Variants in ELMO1 observed in about 807,000 individuals in gnomAD.
The protein encoded by ELMO1 is engulfment and cell motility 1, also known as engulfment and cell motility protein 1.
ELMO1 carries 26 observed loss-of-function variants against 98.9 expected under a neutral mutation model. The observed-to-expected ratio is 0.26, with a 90% CI of 0.19 to 0.36. The LOEUF (loss-of-function observed/expected upper bound fraction) is 0.36. ELMO1 is among the 10% of genes least tolerant of loss of function. The pLI is 1.00. For synonymous variants in ELMO1, 346 were observed against 346.0 expected, an observed-to-expected ratio of 1.00 and a Z score of 0.00; for missense variants, 627 against 935.2, an observed-to-expected ratio of 0.67 and a Z score of 4.30.
chr7:37,034,103 G>C (rs1042399409), intron 15 of ELMO1, among the ~76,000 whole-genome samples: 5 of 152,188 alleles, frequency 3.3e-5, no homozygotes, highest in African/African-American at 4.8e-5. Flanking sequence ...AATAACATGA[G>C]TTAAATTGTG....
chr7:36,905,952 G>C (rs955909325), intron 16 of ELMO1, among the ~76,000 whole-genome samples: 1 of 152,232 alleles, frequency 6.6e-6, no homozygotes, highest in Non-Finnish European at 1.5e-5. Context: ...CTGCCAGCCT[G>C]TTTTGCATAA....
chr7:37,235,661 C>T (rs1371896482), intron 7 of ELMO1, among the ~76,000 whole-genome samples: 1 of 152,150 alleles, frequency 6.6e-6, no homozygotes, highest in Non-Finnish European at 1.5e-5. Flanking sequence ...AGCCTAGTGC[C>T]GTGGTTCATG....
chr7:37,225,793 G>T (rs546024575), intron 8 of ELMO1, among the ~76,000 whole-genome samples: 1 of 152,078 alleles, frequency 6.6e-6, no homozygotes, highest in Non-Finnish European at 1.5e-5. Context: ...ATAATGGATC[G>T]CAGTAATCCA....
intron 7 of ELMO1, among the ~76,000 whole-genome samples, chr7:37,236,181 C>T (rs959200159): frequency 2.0e-5 from 3 of 152,188 alleles, no homozygotes; most frequent in Non-Finnish European, 4.4e-5. Context: ...CAAAACTACA[C>T]TCCAGAGCTC....
At chr7:37,053,356 A>G (rs1391339151) in intron 15 of ELMO1, among the ~76,000 whole-genome samples, 1 of 151,640 alleles carries the variant, frequency 6.6e-6, no homozygotes, top group African/African-American at 2.4e-5. Context: ...ACAAAAGACT[A>G]TTGTCTGGTT....
intron 15 of ELMO1, among the ~76,000 whole-genome samples, chr7:37,028,709 A>C (rs1364706907): frequency 6.6e-6 from 1 of 152,152 alleles, no homozygotes; most frequent in Non-Finnish European, 1.5e-5. Flanking sequence ...CAGCCTCCCA[A>C]GTACCTAGGA....
intron 16 of ELMO1, among the ~76,000 whole-genome samples, chr7:36,973,798 A>C (rs1044345452): frequency 2.6e-5 from 4 of 152,128 alleles, no homozygotes; most frequent in Non-Finnish European, 5.9e-5. Flanking sequence ...AGCCAGCTGG[A>C]GTTCCAGATG....
At chr7:37,230,564 T>C (rs760105099) in intron 8 of ELMO1, among the ~76,000 whole-genome samples, 23 of 152,206 alleles carry the variant, frequency 1.5e-4, no homozygotes, top group Non-Finnish European at 2.6e-4. Flanking sequence ...GACTATCTGT[T>C]CTGTTCTGGA....
chr7:37,276,218 T>C (rs945691849), intron 4 of ELMO1, among the ~76,000 whole-genome samples: 6 of 152,018 alleles, frequency 3.9e-5, no homozygotes, highest in Admixed American at 2.6e-4. Flanking sequence ...CCATTTAAAG[T>C]CCTTAAAACA....
chr7:37,201,918 G>A (rs987008963), intron 13 of ELMO1, among the ~76,000 whole-genome samples: 3 of 152,220 alleles, frequency 2.0e-5, no homozygotes, highest in Non-Finnish European at 4.4e-5. Flanking sequence ...GGCTGACAGT[G>A]TAAGATCTGG....
At chr7:37,198,787 A>G (rs1376380960) in intron 13 of ELMO1, among the ~76,000 whole-genome samples, 1 of 152,228 alleles carries the variant, frequency 6.6e-6, no homozygotes, top group Non-Finnish European at 1.5e-5. Context: ...ACACTCAGGG[A>G]CGAAGGATTG....
chr7:37,038,789 G>A (rs1347643569), intron 15 of ELMO1, among the ~76,000 whole-genome samples: 1 of 152,200 alleles, frequency 6.6e-6, no homozygotes, highest in Non-Finnish European at 1.5e-5. Context: ...GCATGGTTGG[G>A]TTCTGGTGAG....
At chr7:37,204,290 T>A (rs770547436) in intron 13 of ELMO1, 1 of 449,088 alleles carries the variant, frequency 2.2e-6, no homozygotes, top group East Asian at 7.0e-5. Context: ...TTCCTTCTGA[T>A]GTTCGGACAT....
chr7:36,967,109 T>C (rs1789503578), intron 16 of ELMO1, among the ~76,000 whole-genome samples: 1 of 152,240 alleles, frequency 6.6e-6, no homozygotes, highest in African/African-American at 2.4e-5. Context: ...CTCTGGTCTC[T>C]ATTCTTTTTA....
At chr7:37,273,887 T>C (rs1156377549) in intron 4 of ELMO1, among the ~76,000 whole-genome samples, 1 of 152,220 alleles carries the variant, frequency 6.6e-6, no homozygotes, top group African/African-American at 2.4e-5. Context: ...TGACGATTTT[T>C]TGGACAATGA....
chr7:37,431,482 T>A (rs185379179), intron 1 of ELMO1, among the ~76,000 whole-genome samples: 1 of 152,224 alleles, frequency 6.6e-6, no homozygotes, highest in Non-Finnish European at 1.5e-5. Flanking sequence ...GTGGAAAAGT[T>A]CTAGGTCAAG....
At chr7:37,355,245 T>C (rs1043690985) in intron 1 of ELMO1, among the ~76,000 whole-genome samples, 23 of 152,320 alleles carry the variant, frequency 1.5e-4, no homozygotes, top group African/African-American at 5.1e-4. Context: ...TATCCTCATC[T>C]GTGAAACTGG....
At chr7:37,273,805 C>T (rs1414768783) in intron 4 of ELMO1, among the ~76,000 whole-genome samples, 2 of 152,182 alleles carry the variant, frequency 1.3e-5, no homozygotes, top group Non-Finnish European at 2.9e-5. Flanking sequence ...TCAGCAGACA[C>T]ACTGAGGTGG....
At chr7:37,324,195 G>A (rs909560135) in intron 2 of ELMO1, among the ~76,000 whole-genome samples, 12 of 152,164 alleles carry the variant, frequency 7.9e-5, no homozygotes, top group African/African-American at 2.9e-4. Context: ...ACCTGGCTTG[G>A]GGACTTTACT....
Sources: gnomAD v4.1 joint callset for allele counts (sites outside exome capture counted in the v4.1 genomes callset) on GRCh38, gnomAD v4.1.1 for gene constraint, MANE v1.5 for transcripts, NCBI Gene and HGNC (gene_info 2026-07-23, HGNC 2026-07-21) for gene names.